The following UNKL variants were observed in gnomAD, a reference collection of about 807,000 sequenced individuals.
UNKL encodes unk like zinc finger, also known as putative E3 ubiquitin-protein ligase UNKL.
In UNKL, 60 loss-of-function variants were observed where a neutral mutation model predicts 78.0. The observed-to-expected ratio is 0.77, with a 90% CI of 0.63 to 0.95. The LOEUF is 0.95. Ranked by LOEUF, UNKL falls within the 40% of genes least tolerant of loss-of-function variation. The pLI, the probability that UNKL is intolerant of heterozygous loss-of-function variation, is 0.00. For synonymous variants in UNKL, 608 were observed against 474.8 expected (o/e 1.28, Z -3.65); for missense variants, 1,159 against 1,045.7 (o/e 1.11, Z -1.49).
intron 10 of UNKL, among the ~76,000 whole-genome samples, chr16:1,383,103 CA>C (rs1209322926): frequency 0.11 from 7,918 of 73,126 alleles, 333 homozygotes; most frequent in African/African-American, 0.2. Context: ...ACTAAAAATA[CA>C]AAAAAAAAAA....
chr16:1,374,346 CCTGGTA>C (rs1472339856), intron 10 of UNKL, among the ~76,000 whole-genome samples: 2 of 152,162 alleles, frequency 1.3e-5, no homozygotes, highest in Non-Finnish European at 2.9e-5. Flanking sequence ...CTCACTGATG[CCTGGTA>C]CTGGACAGTG....
At chr16:1,413,107 G>A (rs1445681683) in intron 2 of UNKL, among the ~76,000 whole-genome samples, 1 of 151,948 alleles carries the variant, frequency 6.6e-6, no homozygotes, top group Non-Finnish European at 1.5e-5. Flanking sequence ...AAATTAGCTG[G>A]CATGGCATGA....
chr16:1,387,435 G>A lies in UNKL; in HGVS notation c.1087-2050C>T, dbSNP rs564951940. 1.3e-5 allele frequency among the ~76,000 whole-genome samples: 2 copies of A among 152,298 alleles called. No individual in the cohort carries two copies. Among genetic ancestry groups the A allele is most frequent in the African/African-American group, 4.8e-5 (2 of 41,562 alleles). ...GCTTCAGACCCTCAGTGTGGCCCCA[G>A]GAAGGCTGAGAAGGACCTCTTGACA... is the stretch of plus-strand genomic sequence containing the variant. On this transcript the variant is annotated intron_variant, in intron 9 of 14. Coordinates refer to ENST00000389221, the MANE Select transcript of UNKL (RefSeq NM_001372107.1). This position sits in a 1 kb window ranked among gnomAD's most constrained non-coding sequence, Gnocchi z 4.1.
At chr16:1,380,623 C>T (rs2036567304) in intron 10 of UNKL, among the ~76,000 whole-genome samples, 1 of 47,606 alleles carries the variant, frequency 2.1e-5, no homozygotes, top group Admixed American at 2.5e-4. Flanking sequence ...AGTGTCGATC[C>T]TGAAAAAAAA....
chr16:1,389,866 A>G (rs2036969756), intron 9 of UNKL, among the ~76,000 whole-genome samples: 1 of 152,144 alleles, frequency 6.6e-6, no homozygotes, highest in South Asian at 2.1e-4. Context: ...CCCAGGCTGG[A>G]GTGCTTGGCT....
At chr16:1,366,471 C>G (rs575930692) in intron 14 of UNKL, 76 bp from the exon 15 acceptor site, 5 of 1,454,668 alleles carry the variant, frequency 3.4e-6, no homozygotes, top group East Asian at 5.0e-5. Context: ...GAGGGCCTTC[C>G]GGGCAGGACT....
chr16:1,392,858 C>A, intron 8 of UNKL, 33 bp downstream of exon 8: 1 of 1,547,462 alleles, frequency 6.5e-7, no homozygotes, highest in East Asian at 2.4e-5. Flanking sequence ...CCAAAGGACA[C>A]TGGGCATTGT....
chr16:1,388,327 G>C (rs559923921), intron 9 of UNKL, among the ~76,000 whole-genome samples: 2 of 151,962 alleles, frequency 1.3e-5, no homozygotes, highest in African/African-American at 4.8e-5. Context: ...GGGACAGGCA[G>C]CCTCAGGCTC....
intron 9 of UNKL, among the ~76,000 whole-genome samples, chr16:1,389,447 T>C (rs1010368411): frequency 6.6e-6 from 1 of 152,142 alleles, no homozygotes; most frequent in Non-Finnish European, 1.5e-5. Context: ...TGGTGGTGTA[T>C]GCCTGGGGTC....
At chr16:1,382,350 C>T (rs1199251626) in intron 10 of UNKL, among the ~76,000 whole-genome samples, 4 of 152,218 alleles carry the variant, frequency 2.6e-5, no homozygotes, top group African/African-American at 7.2e-5. Flanking sequence ...CCAGGTGAGC[C>T]CTCCATGGCA....
rs1221143960 is a variant in UNKL at position 1,367,457 on chromosome 16, T to G, written c.1789-108A>C. ...CCCCTCCCCTCCCCAGCATCAGCTG[T>G]GGCCCCCTCACCTGAGACCCCTGCG... On this transcript the variant is annotated intron_variant, in intron 13 of 14. Coordinates refer to ENST00000389221, the MANE Select transcript of UNKL (RefSeq NM_001372107.1). 6 of 1,405,164 alleles carry G rather than the reference T, an allele frequency of 4.3e-6. No homozygotes were observed. In the African/African-American group the frequency reaches 9.8e-5, roughly 23 times the overall value. 87.0% of individuals were successfully genotyped at this position (1,405,164 alleles called of 1,614,324 possible). A position where few individuals can be genotyped will look rare whatever the true frequency, so the allele number is the denominator to read the frequency against.
At chr16:1,404,463 T>G (rs1388678318) in intron 2 of UNKL, among the ~76,000 whole-genome samples, 1 of 152,210 alleles carries the variant, frequency 6.6e-6, no homozygotes, top group African/African-American at 2.4e-5. Flanking sequence ...CAGGCTCCGC[T>G]GGGCACCTGT....
Position 1,370,359 on chromosome 16 carries a change from T to C in UNKL, c.1358-2A>G, listed in dbSNP as rs1466975176. The C allele has an allele frequency of 6.5e-7, 1 of 1,531,674 alleles. No homozygotes were observed. The highest frequency in any genetic ancestry group is 8.7e-7 in the Non-Finnish European group (1 of 1,145,750). 94.9% of individuals were successfully genotyped at this position (1,531,674 alleles called of 1,614,324 possible). A position where few individuals can be genotyped will look rare whatever the true frequency, so the allele number is the denominator to read the frequency against. ...CAGAGCCGGCCAGCGACCTGGGACC[T>C]GGCGGGGGCGGACCAGTCAGCGAAG... On this transcript the variant is annotated splice_acceptor_variant, in intron 11 of 14. Transcript: ENST00000389221. LOFTEE classifies it high-confidence loss of function.
At chr16:1,404,916 T>C (rs1188203662) in intron 2 of UNKL, among the ~76,000 whole-genome samples, 1 of 152,118 alleles carries the variant, frequency 6.6e-6, no homozygotes, top group Non-Finnish European at 1.5e-5. Context: ...AAGGAAGGAC[T>C]GGCACACTGG....
rs1006102319 is a variant in UNKL at position 1,365,599 on chromosome 16, C to T, written c.*641G>A. 1 of 152,640 alleles carries T rather than the reference C, an allele frequency of 6.6e-6. No individual in the cohort carries two copies. The highest frequency in any genetic ancestry group is 2.4e-5 in the African/African-American group (1 of 41,462). 9.5% of individuals were successfully genotyped at this position (152,640 alleles called of 1,614,324 possible). On this transcript the variant is annotated 3_prime_UTR_variant, in exon 15 of 15. Coordinates refer to ENST00000389221, the MANE Select transcript of UNKL (RefSeq NM_001372107.1). ...AACATCTCAATCCATAATCACTCTG[C>T]TTATAAATACTATTTGCACTTAATT...
rs527443430 is a variant in UNKL, at chr16:1,390,076, T to C, written c.1086+556A>G. Among the ~76,000 whole-genome samples the C allele has an allele frequency of 1.7e-3, 256 of 152,266 alleles. 3 individuals are homozygous for C. Among genetic ancestry groups the C allele is most frequent in the African/African-American group, 5.3e-3 (221 of 41,552 alleles). ...ATCTCGGCTCACTGCAATCTCCACC[T>C]CCCGGCTTCAAGCAATTCTCCTGCC... is the stretch of plus-strand genomic sequence containing the variant. On this transcript the variant is annotated intron_variant, in intron 9 of 14. Coordinates refer to ENST00000389221, the MANE Select transcript of UNKL (RefSeq NM_001372107.1).
rs1177458114 is a variant in UNKL at position 1,371,562 on chromosome 16, C to T, written c.1314G>A (p.Glu438=). The change falls in exon 11 of 15, where the codon GAG becomes GAA. Residue 438 remains glutamate, a synonymous_variant. Coordinates refer to ENST00000389221, the MANE Select transcript of UNKL (RefSeq NM_001372107.1). ...HLSNVNIASL[E]KDLEEQDGHD... ...GGCCGTCTTGCTCTTCCAGGTCCTT[C>T]TCTAGGGATGCAATATTCACATTGC... 2.6e-6 allele frequency: 4 copies of T among 1,536,098 alleles called. No homozygotes were observed. The highest frequency in any genetic ancestry group is 2.7e-5 in the African/African-American group (2 of 73,050).
At chr16:1,378,234 C>T (rs2036374583) in intron 10 of UNKL, among the ~76,000 whole-genome samples, 1 of 152,236 alleles carries the variant, frequency 6.6e-6, no homozygotes. Flanking sequence ...CACCGACCCC[C>T]CAACCCGCAG....
intron 10 of UNKL, among the ~76,000 whole-genome samples, chr16:1,377,318 G>A (rs1266245482): frequency 1.3e-5 from 2 of 152,126 alleles, no homozygotes; most frequent in Admixed American, 6.5e-5. Flanking sequence ...ACCATGCCCA[G>A]CCTCAAATGC....
Sources: gnomAD v4.1 joint callset for allele counts (sites outside exome capture counted in the v4.1 genomes callset) on GRCh38, gnomAD v4.1.1 for gene constraint, Gnocchi (gnomAD v3.1) non-coding constraint, MANE v1.5 for transcripts, NCBI Gene and HGNC (gene_info 2026-07-23, HGNC 2026-07-21) for gene names.